The following ANXA8 variants were observed in gnomAD, a reference collection of about 807,000 sequenced individuals.
ANXA8 encodes VAC-beta.
In ANXA8, 9 loss-of-function variants were observed where a neutral mutation model predicts 26.8. The ratio of observed to expected loss-of-function variants is 0.34; its 90% CI spans 0.20 to 0.59. The LOEUF (loss-of-function observed/expected upper bound fraction) is 0.59, where lower values mean the gene tolerates loss of function less well. Among genes scored for constraint, ANXA8 ranks in the 20% least tolerant of loss-of-function variants. The probability of loss-of-function intolerance (pLI) is 0.84; values close to 1 mark genes in which losing one functional copy is unlikely to be tolerated. For missense variants in ANXA8, 83 were observed against 238.5 expected, an observed-to-expected ratio of 0.35 and a Z score of 4.29; for synonymous variants, 39 against 94.8, an observed-to-expected ratio of 0.41 and a Z score of 3.42.
At chr10:47,706,313 A>C in the ANXA8 span, 1 of 590,696 alleles carries the variant, frequency 1.7e-6, no homozygotes, top group Non-Finnish European at 2.9e-6. Flanking sequence ...CCTACGATCC[A>C]ACCATAGAAA....
At chr10:47,581,451 A>C in the ANXA8 span, 5 of 532,448 alleles carry the variant, frequency 9.4e-6, no homozygotes, top group African/African-American at 1.0e-4. Flanking sequence ...AGCCCACAGC[A>C]TACTTACCAT....
chr10:47,558,995 A>G, the ANXA8 span, among the ~76,000 whole-genome samples: 1 of 151,670 alleles, frequency 6.6e-6, no homozygotes, highest in African/African-American at 2.4e-5. Context: ...GTATATTTGA[A>G]TGGGAATGGG....
chr10:47,715,486 G>A, the ANXA8 span, among the ~76,000 whole-genome samples: 4 of 146,768 alleles, frequency 2.7e-5, no homozygotes, highest in African/African-American at 1.0e-4. Context: ...GCATGCTTCT[G>A]TTGTCTTAAT....
the ANXA8 span, among the ~76,000 whole-genome samples, chr10:47,501,014 C>T: frequency 4.2e-5 from 6 of 142,654 alleles, no homozygotes; most frequent in South Asian, 2.2e-4. Flanking sequence ...CTGCCTCAGC[C>T]TCCCGAGTAG....
the ANXA8 span, among the ~76,000 whole-genome samples, chr10:47,511,309 T>C: frequency 7.0e-6 from 1 of 142,646 alleles, no homozygotes; most frequent in Non-Finnish European, 1.5e-5. Flanking sequence ...GAGCACTTTA[T>C]TGCAGTGAAT....
At chr10:47,580,449 T>C in the ANXA8 span, among the ~76,000 whole-genome samples, 23 of 150,592 alleles carry the variant, frequency 1.5e-4, no homozygotes, top group South Asian at 6.3e-4. Flanking sequence ...CAAAATTATA[T>C]GAAGGGCCAC....
At chr10:47,597,603 T>C in the ANXA8 span, among the ~76,000 whole-genome samples, 42 of 141,578 alleles carry the variant, frequency 3.0e-4, 1 homozygote, top group Non-Finnish European at 1.1e-4. Flanking sequence ...AGTATTTCTA[T>C]ACAATGCAAT....
chr10:47,551,491 T>C, the ANXA8 span, among the ~76,000 whole-genome samples: 2 of 151,554 alleles, frequency 1.3e-5, no homozygotes, highest in East Asian at 1.9e-4. Flanking sequence ...ATAGAAACAG[T>C]TTAAAGTTTA....
chr10:47,591,597 C>T, the ANXA8 span, among the ~76,000 whole-genome samples: 4 of 142,144 alleles, frequency 2.8e-5, no homozygotes, highest in East Asian at 7.8e-4. Context: ...GCACCCGCCA[C>T]CAGGCCCGGC....
chr10:47,960,133 A>G, the ANXA8 span, among the ~76,000 whole-genome samples: 3 of 148,766 alleles, frequency 2.0e-5, no homozygotes, highest in East Asian at 2.1e-4. Flanking sequence ...ATGGTGACAA[A>G]TTATTGTTTT....
upstream of ANXA8, among the ~76,000 whole-genome samples, chr10:47,484,958 C>A (rs1446181147): frequency 1.2e-3 from 174 of 149,120 alleles, 1 homozygote; most frequent in Middle Eastern, 0.01. Flanking sequence ...CCACGCTTCC[C>A]GGGATCCACC....
the ANXA8 span, among the ~76,000 whole-genome samples, chr10:47,711,546 G>T: frequency 1.8e-4 from 26 of 147,240 alleles, 4 homozygotes; most frequent in African/African-American, 6.7e-4. Context: ...ACTAGGATTT[G>T]AGATAAGTCT....
the ANXA8 span, among the ~76,000 whole-genome samples, chr10:47,621,633 C>T: frequency 9.3e-6 from 1 of 107,568 alleles, no homozygotes; most frequent in Non-Finnish European, 2.0e-5. Context: ...TAGCGGATTA[C>T]TGTCTTCTTT....
At chr10:47,743,309 T>TAC in the ANXA8 span, among the ~76,000 whole-genome samples, 34 of 30,766 alleles carry the variant, frequency 1.1e-3, no homozygotes, top group Non-Finnish European at 1.6e-3. Context: ...TATATATATA[T>TAC]ATACACATAT....
the ANXA8 span, among the ~76,000 whole-genome samples, chr10:47,511,310 T>G: frequency 1.4e-5 from 2 of 142,632 alleles, no homozygotes; most frequent in Non-Finnish European, 3.1e-5. Context: ...AGCACTTTAT[T>G]GCAGTGAATA....
the ANXA8 span, among the ~76,000 whole-genome samples, chr10:47,698,028 T>C: frequency 3.3e-4 from 49 of 149,324 alleles, no homozygotes; most frequent in African/African-American, 8.2e-4. Flanking sequence ...AGCCGAGATA[T>C]ATTTGTAAAT....
chr10:47,937,038 G>T, the ANXA8 span, among the ~76,000 whole-genome samples: 1 of 149,970 alleles, frequency 6.7e-6, no homozygotes, highest in African/African-American at 2.4e-5. Flanking sequence ...TCTGAGGAAG[G>T]CAGGCACCTT....
chr10:47,544,099 G>A, the ANXA8 span, among the ~76,000 whole-genome samples: 4 of 151,818 alleles, frequency 2.6e-5, no homozygotes, highest in Non-Finnish European at 4.4e-5. Flanking sequence ...TCCAGCACCC[G>A]GGCACGAAGG....
chr10:47,526,113 T>A, the ANXA8 span, among the ~76,000 whole-genome samples: 4 of 128,660 alleles, frequency 3.1e-5, no homozygotes, highest in East Asian at 3.0e-4. Flanking sequence ...ACTTTTTATT[T>A]TTTTTTTTTT....
Sources: allele counts gnomAD v4.1 joint callset (sites outside exome capture counted in the v4.1 genomes callset), GRCh38; gene constraint gnomAD v4.1.1; transcripts MANE v1.5; gene names NCBI Gene and HGNC (gene_info 2026-07-23, HGNC 2026-07-21).